Variants in IMPA2 observed in about 807,000 individuals in gnomAD.
IMPA2 encodes inositol monophosphatase 2.
IMPA2 carries 32 observed loss-of-function variants against 35.1 expected under a neutral mutation model. The ratio of observed to expected loss-of-function variants is 0.91; its 90% CI spans 0.69 to 1.23. The LOEUF is 1.23. IMPA2 is among the 50% of genes most tolerant of loss of function. The probability of loss-of-function intolerance (pLI) is 0.00; values close to 1 mark genes in which losing one functional copy is unlikely to be tolerated. For missense variants in IMPA2, 334 were observed against 387.6 expected (o/e 0.86, Z 1.16); for synonymous variants, 135 against 160.6 (o/e 0.84, Z 1.20).
chr18:12,029,043 C>T (rs1255514078), intron 7 of IMPA2, 50 bp downstream of exon 7: 2 of 1,566,010 alleles, frequency 1.3e-6, no homozygotes, highest in Non-Finnish European at 8.7e-7. Context: ...GACTGAGAGA[C>T]ACTGTGGGTG....
chr18:11,991,143 TAGG>T lies in IMPA2; in HGVS notation c.97-7906_97-7904del, dbSNP rs1354088705. Reference sequence around the variant, plus strand: ...GATGAGCCGCAGAATGGTGGGGAGATAGGAGGAAAGCCACGAGGGGAGGCAGGG... The same window carrying T: ...GATGAGCCGCAGAATGGTGGGGAGATAGGAAAGCCACGAGGGGAGGCAGGG... On this transcript the variant is annotated intron_variant, in intron 1 of 7. Transcript: ENST00000269159. This position sits in a 1 kb window ranked among gnomAD's most constrained non-coding sequence, Gnocchi z 4.1. 6.6e-6 allele frequency among the ~76,000 whole-genome samples: 1 copy of T among 151,582 alleles called. No individual in the cohort carries two copies.
chr18:11,981,627 C>T lies in IMPA2; in HGVS notation c.-43C>T. 1.7e-6 allele frequency: 2 copies of T among 1,202,864 alleles called. No homozygotes were observed. The highest frequency in any genetic ancestry group is 1.0e-6 in the Non-Finnish European group (1 of 962,808). 74.5% of individuals were successfully genotyped at this position (1,202,864 alleles called of 1,614,324 possible). A position where few individuals can be genotyped will look rare whatever the true frequency, so the allele number is the denominator to read the frequency against. ...GCGGGATCCGGTGGGAGCCGGAGTC[C>T]CGCCGAGGGGGGCTGGAGGTGGAGG... On this transcript the variant is annotated 5_prime_UTR_variant, in exon 1 of 8. Transcript: ENST00000269159.
At chr18:11,996,077 A>G (rs1387341388) in intron 1 of IMPA2, among the ~76,000 whole-genome samples, 1 of 152,178 alleles carries the variant, frequency 6.6e-6, no homozygotes, top group Non-Finnish European at 1.5e-5. Flanking sequence ...TGCCTGGGAG[A>G]GACAGTCAAA....
intron 1 of IMPA2, among the ~76,000 whole-genome samples, chr18:11,996,936 A>G (rs1467498965): frequency 6.6e-6 from 1 of 151,250 alleles, no homozygotes; most frequent in Non-Finnish European, 1.5e-5. Context: ...CCCACACCAC[A>G]CCGATACACA....
chr18:12,013,526 T>G (rs1403501961), intron 4 of IMPA2, among the ~76,000 whole-genome samples: 2 of 152,184 alleles, frequency 1.3e-5, no homozygotes, highest in Non-Finnish European at 2.9e-5. Context: ...CAGGGTGTTT[T>G]TTTAATTTTC....
chr18:11,988,745 A>G (rs1328422273), intron 1 of IMPA2, among the ~76,000 whole-genome samples: 1 of 152,212 alleles, frequency 6.6e-6, no homozygotes, highest in Non-Finnish European at 1.5e-5. Context: ...CCACTTTCCG[A>G]GATGGCAAAA....
At chr18:12,018,711 G>T (rs1907648738) in intron 5 of IMPA2, among the ~76,000 whole-genome samples, 1 of 152,092 alleles carries the variant, frequency 6.6e-6, no homozygotes, top group Non-Finnish European at 1.5e-5. Flanking sequence ...AGGAGAGTGG[G>T]ATAGTTTTAC....
At chr18:11,988,001 CTTTTTT>C (rs71172043) in intron 1 of IMPA2, among the ~76,000 whole-genome samples, 14,421 of 101,920 alleles carry the variant, frequency 0.14, 937 homozygotes, top group East Asian at 0.32. Context: ...TGTTTATTGG[CTTTTTT>C]TTTTTTTTTT....
chr18:11,993,429 G>A (rs149022607), intron 1 of IMPA2, among the ~76,000 whole-genome samples: 366 of 152,336 alleles, frequency 2.4e-3, no homozygotes, highest in African/African-American at 7.9e-3. Context: ...AAGCTAGCTG[G>A]CGCAGCCCCC....
intron 5 of IMPA2, among the ~76,000 whole-genome samples, chr18:12,021,470 G>A (rs1341064501): frequency 6.6e-6 from 1 of 152,158 alleles, no homozygotes; most frequent in East Asian, 1.9e-4. Context: ...TGTGCCACAG[G>A]CATGTTTTAT....
rs546813058 is a variant in IMPA2, at chr18:11,998,036, AT to A, written c.97-1017del. On this transcript the variant is annotated intron_variant, in intron 1 of 7. Coordinates refer to ENST00000269159, the MANE Select transcript of IMPA2 (RefSeq NM_014214.3). ...TAAAAAATGAGCTGGGTGCAGTACC[AT>A]GTGCCTGTAGTCCTAGCTATTGGGG... Among the ~76,000 whole-genome samples the A allele has an allele frequency of 9.3e-4, 142 of 152,214 alleles. 1 individual carries two copies. The highest frequency in any genetic ancestry group is 3.3e-3 in the African/African-American group (137 of 41,518).
At chr18:11,994,660 C>T (rs1168981956) in intron 1 of IMPA2, 4 of 152,276 alleles carry the variant, frequency 2.6e-5, no homozygotes, top group Admixed American at 2.6e-4. Flanking sequence ...ACTGTGAGCT[C>T]AGTGTGCAGC....
intron 5 of IMPA2, among the ~76,000 whole-genome samples, chr18:12,023,850 A>G (rs1907802602): frequency 6.6e-6 from 1 of 152,198 alleles, no homozygotes; most frequent in Non-Finnish European, 1.5e-5. Flanking sequence ...AGGGACTTGG[A>G]AATAGTACAG....
chr18:12,029,288 G>A (rs1451518491), intron 7 of IMPA2, among the ~76,000 whole-genome samples: 1 of 151,086 alleles, frequency 6.6e-6, no homozygotes, highest in African/African-American at 2.4e-5. Flanking sequence ...CTAATTTTTT[G>A]TATTTTTATT....
At chr18:12,009,853 A>G (rs780322121) in intron 2 of IMPA2, 30 bp from the exon 3 acceptor site, 5 of 1,574,910 alleles carry the variant, frequency 3.2e-6, no homozygotes, top group Non-Finnish European at 4.4e-6. Context: ...TCCTTGGTGC[A>G]TTTTCTCAGG....
At chr18:11,990,767 C>T (rs796489269) in intron 1 of IMPA2, among the ~76,000 whole-genome samples, 24 of 152,306 alleles carry the variant, frequency 1.6e-4, no homozygotes, top group African/African-American at 3.4e-4. Context: ...CGGCTCCAGC[C>T]GTGGGGTCGG....
intron 5 of IMPA2, among the ~76,000 whole-genome samples, chr18:12,023,326 G>C (rs1237593435): frequency 6.6e-6 from 1 of 152,156 alleles, no homozygotes; most frequent in Non-Finnish European, 1.5e-5. Context: ...GCTTCTCCAA[G>C]CTTGGGTTTC....
intron 2 of IMPA2, among the ~76,000 whole-genome samples, chr18:12,006,888 T>G (rs1281218714): frequency 6.6e-6 from 1 of 152,036 alleles, no homozygotes; most frequent in East Asian, 1.9e-4. Flanking sequence ...TCCCAGCACT[T>G]TGGGAGCCTG....
chr18:12,020,494 C>T (rs1011969516), intron 5 of IMPA2, among the ~76,000 whole-genome samples: 5 of 152,068 alleles, frequency 3.3e-5, no homozygotes, highest in Non-Finnish European at 7.4e-5. Flanking sequence ...TGACTGGCCT[C>T]TTTTTTTAAA....
Sources: allele counts gnomAD v4.1 joint callset (sites outside exome capture counted in the v4.1 genomes callset), GRCh38; gene constraint gnomAD v4.1.1; non-coding constraint Gnocchi (gnomAD v3.1); transcripts MANE v1.5; gene names NCBI Gene and HGNC (gene_info 2026-07-23, HGNC 2026-07-21).